PTPN4: variants seen among roughly 807,000 people sequenced by gnomAD.
PTPN4 encodes the protein protein tyrosine phosphatase non-receptor type 4.
In PTPN4, 49 loss-of-function variants were observed where a neutral mutation model predicts 135.5. That is an observed-to-expected ratio of 0.36 (90% CI 0.29 to 0.46). PTPN4 has a LOEUF of 0.46. PTPN4 is among the 20% of genes least tolerant of loss of function. PTPN4 has a pLI of 1.00. For synonymous variants in PTPN4, 333 were observed against 369.9 expected (o/e 0.90, Z 1.14); for missense variants, 860 against 1,101.0 (o/e 0.78, Z 3.10).
chr2:119,809,173 C>T (rs1691534315), intron 1 of PTPN4, among the ~76,000 whole-genome samples: 1 of 151,620 alleles, frequency 6.6e-6, no homozygotes, highest in African/African-American at 2.4e-5. Flanking sequence ...GAAGCTACAG[C>T]TTCATTGTCT....
At chr2:119,914,748 T>C (rs1236373776) in intron 10 of PTPN4, among the ~76,000 whole-genome samples, 1 of 152,178 alleles carries the variant, frequency 6.6e-6, no homozygotes. Context: ...TGAGAACGCT[T>C]ATGGCATTAT....
chr2:119,794,034 G>C (rs796685737), intron 1 of PTPN4, among the ~76,000 whole-genome samples: 144 of 151,722 alleles, frequency 9.5e-4, no homozygotes, highest in African/African-American at 3.2e-3. Context: ...TTTTTGTAGA[G>C]ATGGGGTTTT....
chr2:119,781,610 A>G (rs1241684684), intron 1 of PTPN4, among the ~76,000 whole-genome samples: 1 of 152,216 alleles, frequency 6.6e-6, no homozygotes, highest in African/African-American at 2.4e-5. Flanking sequence ...TGTGGGTCAA[A>G]TCTGACCACC....
rs70949378 is a variant in PTPN4 at position 119,973,655 on chromosome 2, G to GTTTTTTTTTTTTTTTTTT, written c.2695-3319_2695-3302dup. ...TTGAAAGCTTCCTCCTTCATTTCTT[G>GTTTTTTTTTTTTTTTTTT]TTTTTTTTTTTTTTTTTTTTTTTTT... On this transcript the variant is annotated intron_variant, in intron 26 of 26. Coordinates refer to ENST00000263708, the MANE Select transcript of PTPN4 (RefSeq NM_002830.4). Among the ~76,000 whole-genome samples the GTTTTTTTTTTTTTTTTTT allele has an allele frequency of 3.4e-4, 13 of 38,388 alleles. 3 individuals are homozygous for GTTTTTTTTTTTTTTTTTT. The highest frequency in any genetic ancestry group is 2.2e-3 in the East Asian group (2 of 910). The allele number at this position is 38,388 out of a possible 152,430, so 25.2% of individuals were successfully genotyped here.
At chr2:119,808,671 A>G (rs1169426691) in intron 1 of PTPN4, among the ~76,000 whole-genome samples, 3 of 151,660 alleles carry the variant, frequency 2.0e-5, no homozygotes, top group African/African-American at 7.3e-5. Flanking sequence ...CAATCCTCCC[A>G]CCTCCCAAAT....
chr2:119,782,592 G>A (rs1475654870), intron 1 of PTPN4, among the ~76,000 whole-genome samples: 1 of 151,614 alleles, frequency 6.6e-6, no homozygotes, highest in Non-Finnish European at 1.5e-5. Flanking sequence ...CTGCTCCAAG[G>A]TAATAGATAG....
At chr2:119,914,907 A>G (rs115231394) in intron 10 of PTPN4, among the ~76,000 whole-genome samples, 2,122 of 152,284 alleles carry the variant, frequency 0.014, 51 homozygotes, top group African/African-American at 0.049. Flanking sequence ...TAGAGAGTAA[A>G]CAACTAAGTT....
rs1324439561 is a variant in PTPN4 at position 119,982,845 on chromosome 2, T to C, written c.*5775T>C. On this transcript the variant is annotated 3_prime_UTR_variant, in exon 27 of 27. Coordinates refer to ENST00000263708, the MANE Select transcript of PTPN4 (RefSeq NM_002830.4). ...TTTTTATTCCCAATGTCTTGGACAG[T>C]TGAGACAACTTGGCCCAACTCTGAA... 1 of 152,222 alleles carries C rather than the reference T, an allele frequency of 6.6e-6. No individual in the cohort carries two copies. The highest frequency in any genetic ancestry group is 1.9e-4 in the East Asian group (1 of 5,202). The allele number at this position is 152,222 out of a possible 1,614,324, so 9.4% of individuals were successfully genotyped here.
At chr2:119,912,542 C>T (rs911157232) in intron 10 of PTPN4, among the ~76,000 whole-genome samples, 11 of 152,070 alleles carry the variant, frequency 7.2e-5, no homozygotes, top group African/African-American at 2.4e-4. Flanking sequence ...ATCAGTAAAA[C>T]AGTATAAAAT....
At chr2:119,847,755 G>A (rs1160457779) in intron 2 of PTPN4, among the ~76,000 whole-genome samples, 2 of 152,150 alleles carry the variant, frequency 1.3e-5, no homozygotes, top group African/African-American at 4.8e-5. Flanking sequence ...TTCTTGTAAG[G>A]TGGATCTGCT....
At chr2:119,945,319 GT>G in intron 16 of PTPN4, 79 bp downstream of exon 16, 1 of 1,311,884 alleles carries the variant, frequency 7.6e-7, no homozygotes, top group Non-Finnish European at 1.0e-6. Context: ...TACTTTGGCA[GT>G]TTTTAGTTGT....
intron 1 of PTPN4, among the ~76,000 whole-genome samples, chr2:119,793,031 C>T (rs928779415): frequency 1.3e-5 from 2 of 152,120 alleles, no homozygotes; most frequent in Non-Finnish European, 2.9e-5. Flanking sequence ...TGCGCATTGT[C>T]ATTGATAAAC....
chr2:119,777,349 GC>G (rs1690854753), intron 1 of PTPN4, among the ~76,000 whole-genome samples: 1 of 152,086 alleles, frequency 6.6e-6, no homozygotes, highest in Admixed American at 6.6e-5. Context: ...ATTTAAAATT[GC>G]TTTCCTACTC....
intron 3 of PTPN4, among the ~76,000 whole-genome samples, chr2:119,876,158 C>G (rs1038749593): frequency 6.6e-6 from 1 of 152,018 alleles, no homozygotes; most frequent in Admixed American, 6.6e-5. Flanking sequence ...TAAGAAGAGA[C>G]CATACAAGCT....
At chr2:119,964,724 A>G (rs1475482197) in intron 24 of PTPN4, among the ~76,000 whole-genome samples, 1 of 152,176 alleles carries the variant, frequency 6.6e-6, no homozygotes. Flanking sequence ...GGATACAACT[A>G]TTTCTGTAAA....
At chr2:119,857,397 G>T (rs1009418253) in intron 2 of PTPN4, among the ~76,000 whole-genome samples, 1 of 151,946 alleles carries the variant, frequency 6.6e-6, no homozygotes, top group African/African-American at 2.4e-5. Context: ...AGCCAGGCTT[G>T]GTCGCGTGTG....
At chr2:119,778,770 A>G (rs572102725) in intron 1 of PTPN4, among the ~76,000 whole-genome samples, 78 of 152,328 alleles carry the variant, frequency 5.1e-4, no homozygotes, top group Admixed American at 7.8e-4. Flanking sequence ...GTAATTCTTT[A>G]TTCTTATCAG....
chr2:119,801,011 G>A (rs1198649400), intron 1 of PTPN4, among the ~76,000 whole-genome samples: 2 of 151,770 alleles, frequency 1.3e-5, no homozygotes, highest in Non-Finnish European at 2.9e-5. Flanking sequence ...TTGGGAGTGG[G>A]AGTATAGTTA....
chr2:119,786,462 G>T (rs1328799702), intron 1 of PTPN4, among the ~76,000 whole-genome samples: 1 of 152,148 alleles, frequency 6.6e-6, no homozygotes, highest in East Asian at 1.9e-4. Context: ...TCTTTTCATT[G>T]CAGTCAGCTG....
Sources: gnomAD v4.1 joint callset for allele counts (sites outside exome capture counted in the v4.1 genomes callset) on GRCh38, gnomAD v4.1.1 for gene constraint, MANE v1.5 for transcripts, NCBI Gene and HGNC (gene_info 2026-07-23, HGNC 2026-07-21) for gene names.